Variants in CDK13 observed in about 807,000 individuals in gnomAD.
CDK13 encodes cyclin dependent kinase 13.
Under a neutral mutation model 137.6 loss-of-function variants are expected in CDK13, and 40 were observed. The ratio of observed to expected loss-of-function variants is 0.29; its 90% CI spans 0.23 to 0.38. CDK13 has a LOEUF of 0.38. CDK13 is among the 10% of genes least tolerant of loss of function. The probability of loss-of-function intolerance (pLI) is 1.00; values close to 1 mark genes in which losing one functional copy is unlikely to be tolerated. For synonymous variants in CDK13, 869 were observed against 760.1 expected (o/e 1.14, Z -2.36); for missense variants, 1,704 against 1,951.8 (o/e 0.87, Z 2.39).
At chr7:40,068,473 A>G (rs1584063838) in intron 9 of CDK13, among the ~76,000 whole-genome samples, 1 of 152,048 alleles carries the variant, frequency 6.6e-6, no homozygotes. Flanking sequence ...AGGCGGGCGG[A>G]TCACTTGAGG....
At chr7:40,089,950 T>G (rs1442235392) in intron 12 of CDK13, among the ~76,000 whole-genome samples, 1 of 152,210 alleles carries the variant, frequency 6.6e-6, no homozygotes, top group Non-Finnish European at 1.5e-5. Flanking sequence ...TCTACAAGCT[T>G]CTACTTGACC....
intron 12 of CDK13, among the ~76,000 whole-genome samples, chr7:40,091,910 T>C (rs1452129562): frequency 6.6e-6 from 1 of 152,212 alleles, no homozygotes; most frequent in Non-Finnish European, 1.5e-5. Context: ...ATATATGGTA[T>C]TATATGCATT....
chr7:40,089,715 AGAGAGAGAGTGT>A (rs1562768474), intron 12 of CDK13, among the ~76,000 whole-genome samples: 1 of 143,466 alleles, frequency 7.0e-6, no homozygotes, highest in African/African-American at 2.8e-5. Context: ...AGAGAGAGAG[AGAGAGAGAGTGT>A]GTGTGTGTGT....
chr7:40,048,463 TTG>T (rs1785799964), intron 7 of CDK13: 2 of 152,186 alleles, frequency 1.3e-5, no homozygotes, highest in African/African-American at 4.8e-5. Context: ...TAAAATATTT[TTG>T]TGCAATAGTA....
In CDK13 at chr7:39,958,649, C is replaced by T. The variant is rs143393178; in HGVS notation, c.1211+6797C>T. On this transcript the variant is annotated intron_variant, in intron 1 of 13. Coordinates refer to ENST00000181839, the MANE Select transcript of CDK13 (RefSeq NM_003718.5). Reference sequence around the variant, plus strand: ...CTAGTATTCTGTTGTATGGATATAGCATAAATTGTTTGGCTGAATCCACTT... The same window carrying T: ...CTAGTATTCTGTTGTATGGATATAGTATAAATTGTTTGGCTGAATCCACTT... 4.9e-4 allele frequency among the ~76,000 whole-genome samples: 74 copies of T among 152,040 alleles called. No individual in the cohort carries two copies. The East Asian group carries it at 0.013, about 27-fold the overall frequency.
intron 7 of CDK13, chr7:40,061,796 T>C (rs764498252): frequency 5.9e-5 from 9 of 152,240 alleles, no homozygotes; most frequent in Non-Finnish European, 1.3e-4. Flanking sequence ...TCTCTGAGCG[T>C]TGAACACTTT....
Position 40,093,072 on chromosome 7 carries a change from G to A in CDK13, c.3523G>A (p.Ala1175Thr), listed in dbSNP as rs1354160093. The change falls in exon 13 of 14, where the codon GCC (alanine) becomes ACC (threonine). Residue 1175 changes from alanine to threonine, a missense_variant. Physicochemically the swap from Ala to Thr is moderately conservative, Grantham distance 58. Around this residue, in one of 5 missense-constraint regions of CDK13, gnomAD observed 475 missense variants for 579.3 expected, o/e 0.82. Coordinates refer to ENST00000181839, the MANE Select transcript of CDK13 (RefSeq NM_003718.5). The part of the protein sequence containing the change: ...TIQPKVETDA[A>T]QAAVQSAFAV... ...CCAGCCTAAAGTGGAGACTGATGCT[G>A]CCCAGGCGGCTGTGCAGAGTGCATT... 2 of 1,614,198 alleles carry A rather than the reference G, an allele frequency of 1.2e-6. No individual in the cohort carries two copies. Among genetic ancestry groups the A allele is most frequent in the East Asian group, 2.2e-5 (1 of 44,890 alleles).
intron 5 of CDK13, among the ~76,000 whole-genome samples, chr7:40,014,258 G>A (rs188046122): frequency 6.6e-6 from 1 of 151,422 alleles, no homozygotes; most frequent in East Asian, 1.9e-4. Flanking sequence ...TAATGGAAAC[G>A]GGGTTTCACC....
chr7:39,985,202 A>G (rs1784312648), intron 1 of CDK13: 1 of 150,908 alleles, frequency 6.6e-6, no homozygotes, highest in Non-Finnish European at 1.5e-5. Flanking sequence ...AGCTCCCACA[A>G]ATAAGTGAGA....
rs572675521 is a variant in CDK13 at position 39,999,227 on chromosome 7, AGAT to A, written c.2043-127_2043-125del. 2.7e-4 allele frequency: 170 copies of A among 621,626 alleles called. 1 individual carries two copies. The East Asian group carries it at 4.5e-3, about 17-fold the overall frequency. 38.5% of individuals were successfully genotyped at this position (621,626 alleles called of 1,614,324 possible). On this transcript the variant is annotated intron_variant, in intron 3 of 13. Transcript: ENST00000181839. Reference sequence around the variant, plus strand: ...CAAATCAGTGTTACTTGTTTGGGATAGATGATGATAAATACTGCAAGGGTAGGG... The same window carrying A: ...CAAATCAGTGTTACTTGTTTGGGATAGATGATAAATACTGCAAGGGTAGGG...
At chr7:40,060,434 G>C (rs1271183434) in intron 7 of CDK13, among the ~76,000 whole-genome samples, 2 of 152,110 alleles carry the variant, frequency 1.3e-5, no homozygotes, top group Non-Finnish European at 2.9e-5. Flanking sequence ...ATGTGTTTGA[G>C]AAACTAGTTG....
chr7:40,033,763 T>C (rs2150506647), intron 5 of CDK13, among the ~76,000 whole-genome samples: 1 of 152,202 alleles, frequency 6.6e-6, no homozygotes, highest in South Asian at 2.1e-4. Flanking sequence ...GGAAGTGTTC[T>C]ATAGCCTAAA....
At chr7:40,092,047 AT>A (rs1185118255) in intron 12 of CDK13, among the ~76,000 whole-genome samples, 4 of 152,160 alleles carry the variant, frequency 2.6e-5, no homozygotes, top group Non-Finnish European at 5.9e-5. Flanking sequence ...AGTTAATACT[AT>A]CATATGCATA....
At chr7:40,025,146 A>T (rs1262908431) in intron 5 of CDK13, among the ~76,000 whole-genome samples, 3 of 96,582 alleles carry the variant, frequency 3.1e-5, no homozygotes. Context: ...CCTGCTTTAA[A>T]TCTCAGCTTA....
rs1750436276 is a variant in CDK13, at chr7:39,950,496, A to C, written c.-146A>C. 1 of 1,261,754 alleles carries C rather than the reference A, an allele frequency of 7.9e-7. No homozygotes were observed. Among genetic ancestry groups the C allele is most frequent in the African/African-American group, 1.6e-5 (1 of 64,200 alleles). 78.2% of individuals were successfully genotyped at this position (1,261,754 alleles called of 1,614,324 possible). A position where few individuals can be genotyped will look rare whatever the true frequency, so the allele number is the denominator to read the frequency against. On this transcript the variant is annotated 5_prime_UTR_variant, in exon 1 of 14. Coordinates refer to ENST00000181839, the MANE Select transcript of CDK13 (RefSeq NM_003718.5). ...CTGGAACCCAGGGACCCGAGTCCCG[A>C]CCCGGATTATCGTGGCGCTTTTCCC...
At chr7:40,008,826 GT>G (rs746579608) in intron 5 of CDK13, among the ~76,000 whole-genome samples, 16 of 152,116 alleles carry the variant, frequency 1.1e-4, no homozygotes, top group Non-Finnish European at 2.2e-4. Context: ...TATTCATTAT[GT>G]TATGTAAAAG....
At chr7:39,997,453 C>T in intron 2 of CDK13, 41 bp from the exon 3 acceptor site, 1 of 1,531,850 alleles carries the variant, frequency 6.5e-7, no homozygotes, top group East Asian at 2.3e-5. Flanking sequence ...TATTAGTCAA[C>T]AAAATTTTTG....
At chr7:39,980,514 T>G (rs1784201198) in intron 1 of CDK13, among the ~76,000 whole-genome samples, 1 of 152,232 alleles carries the variant, frequency 6.6e-6, no homozygotes, top group South Asian at 2.1e-4. Context: ...GGGAGTCATA[T>G]TCATACCTTT....
chr7:40,036,411 A>G (rs918579929), intron 5 of CDK13, among the ~76,000 whole-genome samples: 4 of 152,124 alleles, frequency 2.6e-5, no homozygotes, highest in African/African-American at 9.7e-5. Flanking sequence ...GTCTCTACCA[A>G]AAGTACAACA....
Sources: allele counts gnomAD v4.1 joint callset (sites outside exome capture counted in the v4.1 genomes callset), GRCh38; gene constraint gnomAD v4.1.1; regional missense constraint gnomAD v4.1.1; transcripts MANE v1.5; gene names NCBI Gene and HGNC (gene_info 2026-07-23, HGNC 2026-07-21).